The following LCOR variants were observed in gnomAD, a reference collection of about 807,000 sequenced individuals.
LCOR encodes ligand dependent nuclear receptor corepressor.
A neutral mutation model predicts 64.4 loss-of-function variants in LCOR; 14 were observed. That is an observed-to-expected ratio of 0.22 (90% CI 0.14 to 0.34). The LOEUF is 0.34. Ranked by LOEUF, LCOR falls within the 10% of genes least tolerant of loss-of-function variation. The pLI is 1.00. For missense variants in LCOR, 1,686 were observed against 1,765.3 expected (o/e 0.96, Z 0.80); for synonymous variants, 643 against 642.5 (o/e 1.00, Z -0.01).
intron 2 of LCOR, among the ~76,000 whole-genome samples, chr10:96,844,586 C>T (rs1427597474): frequency 3.3e-5 from 5 of 152,104 alleles, no homozygotes; most frequent in Non-Finnish European, 5.9e-5. Flanking sequence ...CTGTCACAGT[C>T]CTATTTGTGT....
chr10:96,856,045 T>C (rs1203592077), intron 2 of LCOR, among the ~76,000 whole-genome samples: 1 of 151,700 alleles, frequency 6.6e-6, no homozygotes, highest in Non-Finnish European at 1.5e-5. Flanking sequence ...CCCCTGGCCA[T>C]CTATTGCTGT....
intron 4 of LCOR, among the ~76,000 whole-genome samples, chr10:96,934,936 C>T (rs1383702126): frequency 6.6e-6 from 1 of 151,876 alleles, no homozygotes. Context: ...TAGTTTTATG[C>T]CAACAACTTG....
chr10:96,863,172 C>T (rs1244576300), intron 2 of LCOR, among the ~76,000 whole-genome samples: 1 of 149,618 alleles, frequency 6.7e-6, no homozygotes, highest in East Asian at 2.0e-4. Flanking sequence ...TGTAAGCCAC[C>T]ATGCCCAGCC....
At chr10:96,971,281 A>G (rs1847996768) in intron 7 of LCOR, among the ~76,000 whole-genome samples, 2 of 152,290 alleles carry the variant, frequency 1.3e-5, no homozygotes, top group African/African-American at 2.4e-5. Context: ...TTCTGATTAT[A>G]TGTAAAAATG....
At chr10:96,902,691 G>C (rs920973852) in intron 2 of LCOR, among the ~76,000 whole-genome samples, 2 of 152,116 alleles carry the variant, frequency 1.3e-5, no homozygotes, top group African/African-American at 4.8e-5. Flanking sequence ...TGTGGTGGTG[G>C]CATCAAGTCA....
intron 7 of LCOR, chr10:96,958,615 C>A: frequency 1.7e-6 from 1 of 598,400 alleles, no homozygotes; most frequent in South Asian, 2.0e-5. Context: ...AGTCCTGAGA[C>A]CTGAAGATTG....
chr10:96,896,668 C>T (rs1297453654), intron 2 of LCOR, among the ~76,000 whole-genome samples: 1 of 152,132 alleles, frequency 6.6e-6, no homozygotes, highest in Non-Finnish European at 1.5e-5. Context: ...AGGTGATCCA[C>T]CCGCCCTGCC....
At chr10:96,855,243 T>TATGC (rs1189658342) in intron 2 of LCOR, among the ~76,000 whole-genome samples, 1 of 152,144 alleles carries the variant, frequency 6.6e-6, no homozygotes, top group African/African-American at 2.4e-5. Context: ...AGTGATGCTA[T>TATGC]ATGCATTTGT....
chr10:96,880,745 A>G (rs909945064), intron 2 of LCOR, among the ~76,000 whole-genome samples: 6 of 152,210 alleles, frequency 3.9e-5, no homozygotes, highest in African/African-American at 1.2e-4. Flanking sequence ...GAGCAACACT[A>G]TATGATTTAA....
At chr10:96,859,635 C>G (rs558585639) in intron 2 of LCOR, among the ~76,000 whole-genome samples, 1 of 152,160 alleles carries the variant, frequency 6.6e-6, no homozygotes. Flanking sequence ...TTGGCTTACT[C>G]CAAACTCTGG....
intron 2 of LCOR, among the ~76,000 whole-genome samples, chr10:96,856,956 G>A (rs1845815220): frequency 6.6e-6 from 1 of 151,960 alleles, no homozygotes; most frequent in Non-Finnish European, 1.5e-5. Flanking sequence ...GGAACAGTAT[G>A]GGGGAAGATC....
intron 4 of LCOR, among the ~76,000 whole-genome samples, chr10:96,922,341 A>G (rs766714443): frequency 1.3e-5 from 2 of 152,164 alleles, no homozygotes; most frequent in African/African-American, 2.4e-5. Context: ...CACAGATATT[A>G]TTTTCAAGGA....
rs113387954 is a variant in LCOR, at chr10:96,897,075, A to G, written c.-329-10190A>G. Among the ~76,000 whole-genome samples, 406 of 145,490 alleles carry G rather than the reference A, an allele frequency of 2.8e-3. 2 individuals are homozygous for G. Among genetic ancestry groups the G allele is most frequent in the African/African-American group, 9.6e-3 (369 of 38,632 alleles). ...AATGAGAGAGAGAGAGAGAGAGAGA[A>G]AGAGAAAGAGAAAGAGAAAGAAAAG... On this transcript the variant is annotated intron_variant, in intron 2 of 7. Coordinates refer to ENST00000421806, the MANE Select transcript of LCOR (RefSeq NM_001346516.2).
At chr10:96,937,028 G>C (rs1847363114) in intron 4 of LCOR, among the ~76,000 whole-genome samples, 1 of 152,192 alleles carries the variant, frequency 6.6e-6, no homozygotes, top group Non-Finnish European at 1.5e-5. Context: ...CAAAACTGCA[G>C]ATAAGAGGGG....
chr10:96,903,527 A>G (rs1008602832), intron 2 of LCOR, among the ~76,000 whole-genome samples: 1 of 151,616 alleles, frequency 6.6e-6, no homozygotes, highest in African/African-American at 2.4e-5. Flanking sequence ...TTCCTTCAGC[A>G]CCTCTCTGAA....
chr10:96,978,559 T>C (rs1228086683), intron 7 of LCOR, among the ~76,000 whole-genome samples: 4 of 152,242 alleles, frequency 2.6e-5, no homozygotes, highest in Non-Finnish European at 5.9e-5. Flanking sequence ...TCAGGTATCA[T>C]TGGAAAGTAT....
At chr10:96,859,931 C>G (rs1845861311) in intron 2 of LCOR, among the ~76,000 whole-genome samples, 1 of 152,114 alleles carries the variant, frequency 6.6e-6, no homozygotes, top group African/African-American at 2.4e-5. Context: ...GGTCATGTGG[C>G]CCATCCCTGA....
intron 4 of LCOR, among the ~76,000 whole-genome samples, chr10:96,942,835 T>C (rs1302252857): frequency 2.0e-5 from 3 of 152,236 alleles, no homozygotes; most frequent in African/African-American, 4.8e-5. Flanking sequence ...AGAACACTTA[T>C]ATATGGAAAT....
intron 2 of LCOR, among the ~76,000 whole-genome samples, chr10:96,881,333 TG>T (rs1269749829): frequency 2.0e-5 from 3 of 152,234 alleles, no homozygotes; most frequent in Non-Finnish European, 4.4e-5. Flanking sequence ...AGTTTAATGA[TG>T]GTTAACTGGT....
Sources: allele counts gnomAD v4.1 joint callset (sites outside exome capture counted in the v4.1 genomes callset), GRCh38; gene constraint gnomAD v4.1.1; transcripts MANE v1.5; gene names NCBI Gene and HGNC (gene_info 2026-07-23, HGNC 2026-07-21).